The following COL4A6 variants were observed in gnomAD, a reference collection of about 807,000 sequenced individuals.
COL4A6 encodes the protein collagen alpha-6(IV) chain.
Under a neutral mutation model 126.7 loss-of-function variants are expected in COL4A6, and 59 were observed. The observed-to-expected ratio is 0.47, with a 90% CI of 0.38 to 0.58. COL4A6 has a LOEUF of 0.58. Among genes scored for constraint, COL4A6 ranks in the 20% least tolerant of loss-of-function variants. The pLI, the probability that COL4A6 is intolerant of heterozygous loss-of-function variation, is 0.00. For missense variants in COL4A6, 1,285 were observed against 1,337.3 expected (o/e 0.96, Z 0.61); for synonymous variants, 547 against 496.6 (o/e 1.10, Z -1.35).
At position 108,294,413 on chromosome X, in the gene COL4A6, TGG is replaced by T. The variant is rs770909487; in HGVS notation, c.144+16333_144+16334del. On this transcript the variant is annotated intron_variant, in intron 3 of 44. Transcript: ENST00000334504. ...AGGGCAATTGTGTTTTTTTTTTTTTTGGTGTGTGTGTGTGTGTGTATGTGGTG... is the reference window on the plus strand; with the variant it reads ...AGGGCAATTGTGTTTTTTTTTTTTTTTGTGTGTGTGTGTGTGTATGTGGTG... 1.1e-3 allele frequency among the ~76,000 whole-genome samples: 113 copies of T among 101,961 alleles called. 1 individual carries two copies. The highest frequency in any genetic ancestry group is 5.0e-3 in the Middle Eastern group (1 of 201). The allele number at this position is 101,961 out of a possible 115,157, so 88.5% of individuals were successfully genotyped here. A position where few individuals can be genotyped will look rare whatever the true frequency, so the allele number is the denominator to read the frequency against.
chrX:108,219,851 AC>A (rs1342349924), intron 4 of COL4A6, 109 bp from the exon 5 acceptor site: 3 of 557,669 alleles, frequency 5.4e-6, no homozygotes, highest in African/African-American at 4.8e-5. Flanking sequence ...AGTGTTTCGT[AC>A]CCCCCTCCCC....
chrX:108,321,140 G>C (rs1416083614), intron 2 of COL4A6, among the ~76,000 whole-genome samples: 3 of 111,762 alleles, frequency 2.7e-5, no homozygotes, highest in African/African-American at 9.8e-5. Context: ...ATGTCAGCTG[G>C]TATTATTTAC....
chrX:108,401,567 A>G lies in COL4A6; in HGVS notation c.63+36375T>C, dbSNP rs1054897547. On this transcript the variant is annotated intron_variant, in intron 2 of 44. Transcript: ENST00000334504. ...ATCTATTGGAAGGATATGAACTGAA[A>G]AAGTTAAAAATTGTGGAATTATGGG... Among the ~76,000 whole-genome samples the G allele has an allele frequency of 3.6e-5, 4 of 111,136 alleles. No homozygotes were observed. The South Asian group carries it at 1.5e-3, about 42-fold the overall frequency.
At chrX:108,217,641 G>T (rs2035895802) in intron 5 of COL4A6, among the ~76,000 whole-genome samples, 1 of 111,240 alleles carries the variant, frequency 9.0e-6, no homozygotes, top group African/African-American at 3.3e-5. Context: ...TGGAGTATTT[G>T]AGACGGGTAC....
intron 2 of COL4A6, among the ~76,000 whole-genome samples, chrX:108,392,425 A>T (rs760677547): frequency 1.4e-4 from 15 of 110,686 alleles, no homozygotes; most frequent in Non-Finnish European, 2.8e-4. Flanking sequence ...TCAAAAAGAC[A>T]ATTAACCCAA....
rs1390711057 is a variant in COL4A6 at position 108,192,571 on chromosome X, C to T, written c.1082G>A (p.Gly361Glu). The change falls in exon 18 of 45, where the codon GGA (glycine) becomes GAA (glutamate). Residue 361 changes from glycine (G) to glutamate (E), a missense_variant. Coordinates refer to ENST00000334504, the MANE Select transcript of COL4A6 (RefSeq NM_033641.4). ...IDGAVISGNP[G>E]DPGVPGLPGL... ...TGGGAGGCCAGGTACACCAGGATCT[C>T]CAGGATTACCTGGCATTGTAATGAA... is the stretch of plus-strand genomic sequence containing the variant. 8.5e-7 allele frequency: 1 copy of T among 1,182,191 alleles called. No homozygotes were observed. Among genetic ancestry groups the T allele is most frequent in the Non-Finnish European group, 1.1e-6 (1 of 872,147 alleles).
In COL4A6 at chrX:108,338,025, AT is replaced by A. The variant is rs199983573; in HGVS notation, c.64-27198del. On this transcript the variant is annotated intron_variant, in intron 2 of 44. Transcript: ENST00000334504. ...AAGTCCAATTAGCTGGACCAACCAG[AT>A]TTTTTTTTTAATAATGGCAGTGTTC... Among the ~76,000 whole-genome samples the A allele has an allele frequency of 1.3e-3, 146 of 108,345 alleles. 1 individual carries two copies. Among genetic ancestry groups the A allele is most frequent in the Admixed American group, 0.011 (115 of 10,133 alleles). 94.1% of individuals were successfully genotyped at this position (108,345 alleles called of 115,157 possible).
rs1288942578 is a variant in COL4A6 at position 108,187,190 on chromosome X, T to C, written c.1857A>G (p.Gly619=). 1.7e-6 allele frequency: 2 copies of C among 1,197,416 alleles called. No individual in the cohort carries two copies. The highest frequency in any genetic ancestry group is 4.4e-5 in the Admixed American group (2 of 45,472). The part of the protein sequence containing the change: ...KGHPGPPGLP[G]NGLPGLPGPR... ...GTCCAGGAAGTCCTGGTAACCCATT[T>C]CCTGGGAGGCCAGGTGGACCAGGAT... Residue 619 remains glycine (G), a synonymous_variant, in exon 23 of 45, where the codon GGA becomes GGG. Coordinates refer to ENST00000334504, the MANE Select transcript of COL4A6 (RefSeq NM_033641.4).
intron 3 of COL4A6, among the ~76,000 whole-genome samples, chrX:108,279,527 C>T (rs746330567): frequency 9.0e-6 from 1 of 111,505 alleles, no homozygotes; most frequent in East Asian, 2.8e-4. Context: ...GACTTAGATT[C>T]CCACACAAAA....
At chrX:108,395,532 C>T (rs764960383) in intron 2 of COL4A6, among the ~76,000 whole-genome samples, 2 of 112,180 alleles carry the variant, frequency 1.8e-5, no homozygotes, top group East Asian at 5.6e-4. Context: ...AACCCAATAT[C>T]TAGAAAACAT....
At chrX:108,195,273 GA>G in intron 14 of COL4A6, 147 bp from the exon 15 acceptor site, 1 of 323,503 alleles carries the variant, frequency 3.1e-6, no homozygotes, top group Non-Finnish European at 5.4e-6. Context: ...CTAGCTTAAC[GA>G]CTTTTTTTTT....
chrX:108,381,919 A>G (rs193015215), intron 2 of COL4A6, among the ~76,000 whole-genome samples: 23 of 107,735 alleles, frequency 2.1e-4, no homozygotes, highest in African/African-American at 7.6e-4. Context: ...TTCATTCTCT[A>G]TTTTCTTCCT....
chrX:108,387,442 G>A (rs982596063), intron 2 of COL4A6, among the ~76,000 whole-genome samples: 3 of 111,533 alleles, frequency 2.7e-5, no homozygotes, highest in Admixed American at 9.5e-5. Context: ...TCCCTTTTAA[G>A]TTGGATTCCT....
chrX:108,274,178 A>T (rs777324754), intron 3 of COL4A6, among the ~76,000 whole-genome samples: 1 of 111,601 alleles, frequency 9.0e-6, no homozygotes, highest in Non-Finnish European at 1.9e-5. Context: ...TGTTGCTCAC[A>T]GTTAAGAGGA....
At chrX:108,187,042 A>C in intron 23 of COL4A6, 54 bp downstream of exon 23, 1 of 995,996 alleles carries the variant, frequency 1.0e-6, no homozygotes, top group Non-Finnish European at 1.3e-6. Context: ...AGTCATAACC[A>C]CTCTACAAGG....
At chrX:108,289,570 A>C (rs929912603) in intron 3 of COL4A6, among the ~76,000 whole-genome samples, 7 of 111,186 alleles carry the variant, frequency 6.3e-5, no homozygotes, top group Non-Finnish European at 1.3e-4. Flanking sequence ...TTTAAAAAAA[A>C]ACTTCTCTAA....
intron 3 of COL4A6, among the ~76,000 whole-genome samples, chrX:108,247,492 T>C (rs1216348496): frequency 9.1e-6 from 1 of 110,325 alleles, no homozygotes; most frequent in African/African-American, 3.3e-5. Flanking sequence ...CCTCAGACCA[T>C]GTCTGCTGGG....
At chrX:108,303,008 C>T (rs945551119) in intron 3 of COL4A6, among the ~76,000 whole-genome samples, 1 of 108,024 alleles carries the variant, frequency 9.3e-6, no homozygotes, top group Non-Finnish European at 1.9e-5. Context: ...CTCCACCCCC[C>T]CAATTTGCAG....
chrX:108,254,290 T>C (rs1472987423), intron 3 of COL4A6, among the ~76,000 whole-genome samples: 4 of 110,703 alleles, frequency 3.6e-5, no homozygotes, highest in Non-Finnish European at 7.6e-5. Context: ...AAAAGAGGAA[T>C]GCCACAAACA....
Sources: gnomAD v4.1 joint callset for allele counts (sites outside exome capture counted in the v4.1 genomes callset) on GRCh38, gnomAD v4.1.1 for gene constraint, MANE v1.5 for transcripts, NCBI Gene and HGNC (gene_info 2026-07-23, HGNC 2026-07-21) for gene names.